The following SLC12A3 variants were observed in gnomAD, a reference collection of about 807,000 sequenced individuals.
The protein encoded by SLC12A3 is solute carrier family 12 member 3, also known as Na-Cl cotransporter.
A neutral mutation model predicts 121.0 loss-of-function variants in SLC12A3; 104 were observed. The ratio of observed to expected loss-of-function variants is 0.86; its 90% CI spans 0.73 to 1.01. The LOEUF is 1.01. Among genes scored for constraint, SLC12A3 ranks in the 50% least tolerant of loss-of-function variants. The pLI is 0.00. For missense variants in SLC12A3, 1,328 were observed against 1,356.3 expected (o/e 0.98, Z 0.33); for synonymous variants, 536 against 533.4 (o/e 1.00, Z -0.07).
At position 56,870,701 on chromosome 16, in the gene SLC12A3, G is replaced by A; in HGVS notation, c.817G>A (p.Ala273Thr). The change falls in exon 6 of 26, where the codon GCC becomes ACC. Residue 273 changes from alanine (A) to threonine (T), a missense_variant. Ala to Thr is a moderately conservative substitution (Grantham distance 58, BLOSUM62 0). Transcript: ENST00000563236. ...CGTGGTCTCGGTCACTGTGCTGCTG[G>A]CCATCTCCCTGGCTGGCATGGAGTG... ...IAVVSVTVLL[A>T]ISLAGMEWES... 6.2e-7 allele frequency: 1 copy of A among 1,613,720 alleles called. No homozygotes were observed. The highest frequency in any genetic ancestry group is 8.5e-7 in the Non-Finnish European group (1 of 1,179,624).
At position 56,872,719 on chromosome 16, in the gene SLC12A3, T is replaced by C. The variant is rs1360288667; in HGVS notation, c.1028T>C (p.Met343Thr). ...WRGPDGTFFGMFSIFFPSATG... is the reference protein window; with the variant it reads ...WRGPDGTFFGTFSIFFPSATG... ...GGTCCAGATGGCACCTTCTTCGGAA[T>C]GTTCTCCATCTTCTTCCCCTCGGCC... Residue 343 changes from methionine (M) to threonine (T), a missense_variant, in exon 8 of 26, where the codon ATG (methionine) becomes ACG (threonine). Transcript: ENST00000563236. The C allele has an allele frequency of 6.2e-7, 1 of 1,614,232 alleles. No homozygotes were observed. Among genetic ancestry groups the C allele is most frequent in the Non-Finnish European group, 8.5e-7 (1 of 1,180,034 alleles).
At chr16:56,902,531 G>GGGGGGGGGGGGGGCC in intron 24 of SLC12A3, 23 bp downstream of exon 24, 2 of 714,552 alleles carry the variant, frequency 2.8e-6, no homozygotes, top group Non-Finnish European at 4.8e-6. Flanking sequence ...GTGGGGGTGG[G>GGGGGGGGGGGGGGCC]AAACGCGACA....
At position 56,886,466 on chromosome 16, in the gene SLC12A3, C is replaced by G. The variant is rs35070204; in HGVS notation, c.2028C>G (p.His676Gln). ...TRNLSLMICGHVLIGPHKQRM... is the reference protein window; with the variant it reads ...TRNLSLMICGQVLIGPHKQRM... ...ACCTCAGCCTGATGATCTGTGGCCA[C>G]GTGCTCATCGTGAGTGGCCCCTGGA... Residue 676 changes from histidine (H) to glutamine (Q), a missense_variant, in exon 16 of 26, where the codon CAC (histidine) becomes CAG (glutamine). His to Gln is a conservative substitution (Grantham distance 24). Transcript: ENST00000563236. 3.7e-6 allele frequency: 6 copies of G among 1,613,408 alleles called. No individual in the cohort carries two copies. The highest frequency in any genetic ancestry group is 5.1e-6 in the Non-Finnish European group (6 of 1,179,674).
At chr16:56,887,841 A>C in intron 17 of SLC12A3, 84 bp from the exon 18 acceptor site, 1 of 713,556 alleles carries the variant, frequency 1.4e-6, no homozygotes, top group Non-Finnish European at 2.5e-6. Flanking sequence ...ATCTGGAGAC[A>C]TCAGAAAGTT....
chr16:56,904,577 G>C (rs1361664379), intron 25 of SLC12A3, 115 bp downstream of exon 25: 1 of 1,005,522 alleles, frequency 9.9e-7, no homozygotes, highest in Non-Finnish European at 1.6e-6. Context: ...CTAGGAAGCA[G>C]AAGGGCCAAA....
Position 56,882,408 on chromosome 16 carries a change from C to A in SLC12A3, c.1580C>A (p.Thr527Asn), listed in dbSNP as rs1021418677. 1.2e-6 allele frequency: 2 copies of A among 1,613,986 alleles called. No individual in the cohort carries two copies. The highest frequency in any genetic ancestry group is 1.7e-6 in the Non-Finnish European group (2 of 1,179,852). Reference protein sequence around the residue: ...VAFIIIAELNTIAPIISNFFL... With the variant: ...VAFIIIAELNNIAPIISNFFL... The stretch of plus-strand genomic sequence containing the variant: ...TGGGTCCCCGAAGCTGAGCTCAACA[C>A]CATAGCCCCCATCATTTCCAACTTC... Residue 527 changes from threonine (T) to asparagine (N), a missense_variant, in exon 13 of 26, where the codon ACC becomes AAC. By Grantham distance (65) the Thr-to-Asn change is moderately conservative. Transcript: ENST00000563236.
chr16:56,908,840 G>A (rs1453247001), intron 25 of SLC12A3, among the ~76,000 whole-genome samples: 2 of 152,274 alleles, frequency 1.3e-5, no homozygotes, highest in African/African-American at 2.4e-5. Context: ...GCGCAAGACA[G>A]TGGAAATGGC....
chr16:56,898,667 G>A (rs1174025262), intron 22 of SLC12A3, among the ~76,000 whole-genome samples: 3 of 152,026 alleles, frequency 2.0e-5, no homozygotes, highest in Non-Finnish European at 4.4e-5. Flanking sequence ...CAGCCAGACC[G>A]CCACCTCTGT....
Position 56,902,502 on chromosome 16 carries a change from A to C in SLC12A3, c.2850A>C (p.Arg950Ser), listed in dbSNP as rs202082198. The stretch of plus-strand genomic sequence containing the variant: ...CAGATGAGGAGATTACGAAGAACAG[A>C]GTCAAGGTGCAGAGAGGGGTGGGGG... ...KISDEEITKN[R>S]VKSLRQVRLN... Residue 950 changes from arginine (R) to serine (S), a missense_variant, in exon 24 of 26, where the codon AGA becomes AGC. Physicochemically the swap from Arg to Ser is moderately radical, Grantham distance 110 (BLOSUM62 -1). Coordinates refer to ENST00000563236, the MANE Select transcript of SLC12A3 (RefSeq NM_001126108.2). 2.0e-4 allele frequency: 175 copies of C among 887,268 alleles called. No homozygotes were observed. The highest frequency in any genetic ancestry group is 2.8e-4 in the Non-Finnish European group (163 of 582,948). 55.0% of individuals were successfully genotyped at this position (887,268 alleles called of 1,614,324 possible).
rs2055323984 is a variant in SLC12A3 at position 56,887,083 on chromosome 16, T to G, written c.2168T>G (p.Ile723Ser). 6.2e-7 allele frequency: 1 copy of G among 1,613,806 alleles called. No homozygotes were observed. The highest frequency in any genetic ancestry group is 1.1e-5 in the South Asian group (1 of 91,084). Residue 723 changes from isoleucine (I) to serine (S), a missense_variant, in exon 17 of 26, where the codon ATC becomes AGC. By Grantham distance (142) the Ile-to-Ser change is moderately radical. Transcript: ENST00000563236. ...GAGGACCTCCGCAGAGGCGTCCAGA[T>G]CCTCATGCAGGTGCCATGGACTGGG... The part of the protein sequence containing the change: ...IAEDLRRGVQ[I>S]LMQAAGLGRM...
intron 25 of SLC12A3, among the ~76,000 whole-genome samples, chr16:56,912,782 G>A (rs749295015): frequency 1.3e-5 from 2 of 152,192 alleles, no homozygotes; most frequent in African/African-American, 4.8e-5. Context: ...GGGGTGATGT[G>A]AGGAAGAGGC....
chr16:56,908,827 C>T (rs1189485229), intron 25 of SLC12A3, among the ~76,000 whole-genome samples: 1 of 152,216 alleles, frequency 6.6e-6, no homozygotes, highest in Non-Finnish European at 1.5e-5. Context: ...GCGCTGGGTC[C>T]GAGCGCAAGA....
chr16:56,886,333 TG>T (rs1215754422), intron 15 of SLC12A3, 30 bp from the exon 16 acceptor site: 1 of 1,550,602 alleles, frequency 6.4e-7, no homozygotes, highest in Non-Finnish European at 8.9e-7. Context: ...TCTCTCCTGA[TG>T]GCTCCTGCCC....
chr16:56,866,648 C>T (rs1271365340), intron 1 of SLC12A3, among the ~76,000 whole-genome samples: 1 of 152,198 alleles, frequency 6.6e-6, no homozygotes, highest in African/African-American at 2.4e-5. Context: ...GCGCCCAGGA[C>T]TCCCAGTCTC....
At position 56,915,215 on chromosome 16, in the gene SLC12A3, T is replaced by C. The variant is rs1417098013; in HGVS notation, c.*1810T>C. 2 of 152,244 alleles carry C rather than the reference T, an allele frequency of 1.3e-5. No individual in the cohort carries two copies. Among genetic ancestry groups the C allele is most frequent in the South Asian group, 2.1e-4 (1 of 4,830 alleles). The allele number at this position is 152,244 out of a possible 1,614,324, so 9.4% of individuals were successfully genotyped here. A position where few individuals can be genotyped will look rare whatever the true frequency, so the allele number is the denominator to read the frequency against. ...TACGACTGCCTGTGCCTTCTTCCGA[T>C]GGCACTGGGGTGGCTGAAGGAACAG... On this transcript the variant is annotated 3_prime_UTR_variant, in exon 26 of 26. Transcript: ENST00000563236.
At position 56,872,347 on chromosome 16, in the gene SLC12A3, C is replaced by T. The variant is rs1212096994; in HGVS notation, c.853-4C>T. The T allele has an allele frequency of 6.2e-7, 1 of 1,611,134 alleles. No individual in the cohort carries two copies. Among genetic ancestry groups the T allele is most frequent in the South Asian group, 1.1e-5 (1 of 91,044 alleles). ...TGACCTCTGGGGTCCTTCGCCCCCT[C>T]CAGGCCCAGGTGCTGTTCTTCCTTG... On this transcript the variant is annotated splice_polypyrimidine_tract_variant and splice_region_variant and intron_variant, in intron 6 of 25. Coordinates refer to ENST00000563236, the MANE Select transcript of SLC12A3 (RefSeq NM_001126108.2).
intron 25 of SLC12A3, among the ~76,000 whole-genome samples, chr16:56,912,656 G>A (rs1355954836): frequency 2.0e-5 from 3 of 152,228 alleles, no homozygotes; most frequent in African/African-American, 7.2e-5. Flanking sequence ...CTGGGAAAAG[G>A]GGGGTGAATA....
At position 56,884,143 on chromosome 16, in the gene SLC12A3, G is replaced by A. The variant is rs758685493; in HGVS notation, c.1764G>A (p.Ala588=). The A allele has an allele frequency of 2.6e-5, 42 of 1,614,068 alleles. No individual in the cohort carries two copies. The highest frequency in any genetic ancestry group is 5.3e-5 in the African/African-American group (4 of 74,924). ...TCATGTTCCTCCTCACCTGGTGGGC[G>A]GCCCTCATCGCCATTGGCGTGGTGC... ...VVIMFLLTWW[A]ALIAIGVVLF... is the part of the protein sequence containing the mutation. Residue 588 remains alanine (A), a synonymous_variant, in exon 14 of 26, where the codon GCG becomes GCA. Coordinates refer to ENST00000563236, the MANE Select transcript of SLC12A3 (RefSeq NM_001126108.2).
intron 8 of SLC12A3, among the ~76,000 whole-genome samples, chr16:56,873,927 G>T (rs996493864): frequency 2.6e-5 from 4 of 152,036 alleles, no homozygotes; most frequent in African/African-American, 7.2e-5. Flanking sequence ...GGCCAGGCTG[G>T]TCTCGATCTC....
Sources: allele counts gnomAD v4.1 joint callset (sites outside exome capture counted in the v4.1 genomes callset), GRCh38; gene constraint gnomAD v4.1.1; transcripts MANE v1.5; gene names NCBI Gene and HGNC (gene_info 2026-07-23, HGNC 2026-07-21).